Variants in TENM4 observed in about 807,000 individuals in gnomAD.
TENM4 encodes the protein teneurin transmembrane protein 4.
Under a neutral mutation model 243.3 loss-of-function variants are expected in TENM4, and 82 were observed. That is an observed-to-expected ratio of 0.34 (90% CI 0.28 to 0.40). The LOEUF (loss-of-function observed/expected upper bound fraction) is 0.40. Among genes scored for constraint, TENM4 ranks in the 10% least tolerant of loss-of-function variants. The pLI is 1.00. For synonymous variants in TENM4, 1,412 were observed against 1,456.3 expected, an observed-to-expected ratio of 0.97 and a Z score of 0.69; for missense variants, 3,138 against 3,673.3, an observed-to-expected ratio of 0.85 and a Z score of 3.77.
At chr11:79,096,997 C>A (rs1042005257) in intron 4 of TENM4, 1 of 151,792 alleles carries the variant, frequency 6.6e-6, no homozygotes. Flanking sequence ...GTACACAAAC[C>A]TGATAATAGC....
intron 3 of TENM4, among the ~76,000 whole-genome samples, chr11:79,203,463 C>T (rs897857971): frequency 6.6e-6 from 1 of 152,122 alleles, no homozygotes; most frequent in Non-Finnish European, 1.5e-5. Context: ...TTCCAAGGTC[C>T]CCAGTGGATG....
intron 6 of TENM4, among the ~76,000 whole-genome samples, chr11:78,924,187 C>G (rs1458477503): frequency 6.6e-6 from 1 of 152,188 alleles, no homozygotes; most frequent in Non-Finnish European, 1.5e-5. Flanking sequence ...GCAATGGAAG[C>G]CAGTCTGTCT....
At chr11:79,033,953 A>C (rs1859310830) in intron 6 of TENM4, among the ~76,000 whole-genome samples, 1 of 152,226 alleles carries the variant, frequency 6.6e-6, no homozygotes, top group African/African-American at 2.4e-5. Flanking sequence ...CACAATCATT[A>C]ATCATAGGAG....
At chr11:78,982,214 A>G (rs1479906047) in intron 6 of TENM4, among the ~76,000 whole-genome samples, 1 of 152,124 alleles carries the variant, frequency 6.6e-6, no homozygotes, top group Non-Finnish European at 1.5e-5. Context: ...GGCAAGTACC[A>G]TGTGCCAGGC....
intron 28 of TENM4, among the ~76,000 whole-genome samples, chr11:78,698,261 G>A (rs59421389): frequency 0.067 from 10,210 of 152,096 alleles, 843 homozygotes; most frequent in African/African-American, 0.2. Flanking sequence ...AATTAGCCGG[G>A]CGTCGTGGCA....
chr11:78,950,826 A>G (rs1857094903), intron 6 of TENM4, among the ~76,000 whole-genome samples: 1 of 152,240 alleles, frequency 6.6e-6, no homozygotes, highest in South Asian at 2.1e-4. Context: ...ATCACAGCTA[A>G]TAATGACAGA....
At chr11:78,851,178 T>C (rs543765509) in intron 12 of TENM4, among the ~76,000 whole-genome samples, 2 of 152,176 alleles carry the variant, frequency 1.3e-5, no homozygotes, top group Non-Finnish European at 2.9e-5. Context: ...TGGGTGATGG[T>C]TGGAAATGCT....
chr11:78,908,680 A>G (rs1044354059), intron 6 of TENM4, among the ~76,000 whole-genome samples: 17 of 152,326 alleles, frequency 1.1e-4, no homozygotes, highest in African/African-American at 4.1e-4. Context: ...TAGCCCTGAC[A>G]CTCAGAATAA....
intron 9 of TENM4, among the ~76,000 whole-genome samples, chr11:78,865,191 A>T (rs1355855402): frequency 6.6e-6 from 1 of 152,238 alleles, no homozygotes; most frequent in Non-Finnish European, 1.5e-5. Flanking sequence ...GAGCATTACA[A>T]GCAATAATTC....
At chr11:78,737,404 T>G (rs1855825940) in intron 20 of TENM4, among the ~76,000 whole-genome samples, 1 of 152,186 alleles carries the variant, frequency 6.6e-6, no homozygotes, top group Admixed American at 6.5e-5. Flanking sequence ...ATGCCAAGCT[T>G]GCCAACCCCA....
chr11:79,396,478 T>A (rs1858347637), intron 1 of TENM4, among the ~76,000 whole-genome samples: 1 of 152,224 alleles, frequency 6.6e-6, no homozygotes, highest in Admixed American at 6.5e-5. Context: ...AGGACCATTC[T>A]TAATAGAAGC....
At chr11:79,139,067 C>A (rs768473134) in intron 4 of TENM4, among the ~76,000 whole-genome samples, 1,119 of 5,850 alleles carry the variant, frequency 0.19, 263 homozygotes, top group Non-Finnish European at 0.25. Flanking sequence ...TATTATATTT[C>A]TATAAATATA....
chr11:79,168,532 C>T lies in TENM4; in HGVS notation c.-162-19726G>A, dbSNP rs112899880. Among the ~76,000 whole-genome samples, 29 of 152,230 alleles carry T rather than the reference C, an allele frequency of 1.9e-4. 1 individual carries two copies. The highest frequency in any genetic ancestry group is 6.0e-4 in the African/African-American group (25 of 41,550). On this transcript the variant is annotated intron_variant, in intron 3 of 33. Transcript: ENST00000278550. ...TGGACTAAAGGGAGAGGAGAGAAAG[C>T]TAGACACATAGAGGAGCATCTGTTA...
chr11:79,373,320 G>A (rs1030576472), intron 1 of TENM4, among the ~76,000 whole-genome samples: 1 of 114,906 alleles, frequency 8.7e-6, no homozygotes, highest in Non-Finnish European at 2.0e-5. Context: ...CTGGCTGGCT[G>A]GCTGGCTGGC....
intron 4 of TENM4, among the ~76,000 whole-genome samples, chr11:79,138,556 TAAA>T (rs1862169430): frequency 2.9e-5 from 1 of 34,792 alleles, no homozygotes; most frequent in African/African-American, 1.5e-4. Flanking sequence ...TATATTTATA[TAAA>T]TACATAAAAC....
rs1445288866 is a variant in TENM4, at chr11:79,271,754, G to A, written c.-265+25734C>T. On this transcript the variant is annotated intron_variant, in intron 2 of 33. Transcript: ENST00000278550. ...GCTCTCTCCCACAGGGTCCTGGGGT[G>A]GCAGTAGAGGAAGTGGTGGCCTCTG... is the stretch of plus-strand genomic sequence containing the variant. Among the ~76,000 whole-genome samples the A allele has an allele frequency of 4.6e-5, 7 of 152,236 alleles. No homozygotes were observed. The East Asian group carries it at 1.4e-3, about 29-fold the overall frequency.
chr11:78,732,761 GT>G (rs552726856), intron 20 of TENM4, among the ~76,000 whole-genome samples, 184 bp from the exon 21 acceptor site: 7 of 151,816 alleles, frequency 4.6e-5, no homozygotes, highest in African/African-American at 1.7e-4. Flanking sequence ...TTAGAAAGCA[GT>G]TTTTTTTTAC....
chr11:78,970,210 GC>G (rs1857512512), intron 6 of TENM4, among the ~76,000 whole-genome samples: 1 of 152,058 alleles, frequency 6.6e-6, no homozygotes, highest in South Asian at 2.1e-4. Flanking sequence ...CTTGTCTACT[GC>G]TTGAATAGAC....
At chr11:79,127,979 G>C (rs1272566957) in intron 4 of TENM4, among the ~76,000 whole-genome samples, 2 of 152,104 alleles carry the variant, frequency 1.3e-5, no homozygotes, top group African/African-American at 4.8e-5. Flanking sequence ...TCCTCATCTG[G>C]GTGTGTTACT....
Sources: allele counts gnomAD v4.1 joint callset (sites outside exome capture counted in the v4.1 genomes callset), GRCh38; gene constraint gnomAD v4.1.1; transcripts MANE v1.5; gene names NCBI Gene and HGNC (gene_info 2026-07-23, HGNC 2026-07-21).